GSE1: variants seen among roughly 807,000 people sequenced by gnomAD.
GSE1 encodes Gse1 coiled-coil protein.
A neutral mutation model predicts 112.6 loss-of-function variants in GSE1; 32 were observed. That is an observed-to-expected ratio of 0.28 (90% CI 0.21 to 0.38). The LOEUF is 0.38. GSE1 is among the 10% of genes least tolerant of loss of function. The pLI is 1.00. For missense variants in GSE1, 2,348 were observed against 1,699.2 expected, an observed-to-expected ratio of 1.38 and a Z score of -6.71; for synonymous variants, 1,115 against 735.6, an observed-to-expected ratio of 1.52 and a Z score of -8.35.
intron 3 of GSE1, among the ~76,000 whole-genome samples, chr16:85,653,070 C>T (rs1212826368): frequency 1.3e-5 from 2 of 150,716 alleles, no homozygotes; most frequent in East Asian, 2.0e-4. Context: ...GCTGTCCCCA[C>T]ATGGGGAAGA....
Position 85,372,156 on chromosome 16 carries a change from C to T in GSE1, c.2464+14513C>T, listed in dbSNP as rs775073423. The stretch of plus-strand genomic sequence containing the variant: ...GCGCGGGACTGTGGCCCGGACCCTC[C>T]ACTCCCTGGCTTGGGCTGTGGAAGA... On this transcript the variant is annotated intron_variant, in intron 2 of 2. Coordinates refer to the GSE1 transcript ENST00000637419. Among the ~76,000 whole-genome samples, 60 of 152,296 alleles carry T rather than the reference C, an allele frequency of 3.9e-4. 1 individual carries two copies. Among genetic ancestry groups the T allele is most frequent in the East Asian group, 2.3e-3 (12 of 5,166 alleles).
chr16:85,556,112 GGAGA>G, exon 1 of GSE1: 1 of 983,788 alleles, frequency 1.0e-6, no homozygotes, highest in Non-Finnish European at 1.2e-6. Flanking sequence ...GGCGCTGGTC[GGAGA>G]GAGAGCCTTT....
intron 1 of GSE1, among the ~76,000 whole-genome samples, chr16:85,265,571 G>A (rs929861830): frequency 6.6e-6 from 1 of 152,030 alleles, no homozygotes; most frequent in Non-Finnish European, 1.5e-5. Context: ...TCCTCATCTC[G>A]GGCATAACCT....
At chr16:85,322,670 C>T (rs2046135479) in intron 1 of GSE1, among the ~76,000 whole-genome samples, 1 of 148,616 alleles carries the variant, frequency 6.7e-6, no homozygotes. Context: ...GTCTCCAGTG[C>T]AATGGCGTGA....
chr16:85,620,724 ATGGTCTCAGCCTTGGGTCTCTGCAC>A (rs1259126893), intron 1 of GSE1, among the ~76,000 whole-genome samples: 1 of 152,250 alleles, frequency 6.6e-6, no homozygotes, highest in African/African-American at 2.4e-5. Flanking sequence ...ACCCGTTTAG[ATGGTCTCAGCCTTGGGTCTCTGCAC>A]TGTTCTCAGC....
intron 1 of GSE1, among the ~76,000 whole-genome samples, chr16:85,188,155 A>G (rs937085339): frequency 1.2e-4 from 19 of 152,154 alleles, no homozygotes; most frequent in Non-Finnish European, 2.5e-4. Flanking sequence ...AGGCTCCCTC[A>G]ACACCCCGTG....
At chr16:85,386,867 C>T (rs761570780) in intron 2 of GSE1, among the ~76,000 whole-genome samples, 3 of 152,146 alleles carry the variant, frequency 2.0e-5, no homozygotes, top group Non-Finnish European at 4.4e-5. Flanking sequence ...GGCCAGGGTG[C>T]CATTCCTGGG....
upstream of GSE1, among the ~76,000 whole-genome samples, chr16:85,609,515 G>A (rs573999950): frequency 3.3e-4 from 51 of 152,314 alleles, no homozygotes; most frequent in African/African-American, 1.1e-3. Flanking sequence ...GTGAAAAACC[G>A]CCCACCCTCT....
chr16:85,340,298 G>C (rs549252939), intron 1 of GSE1, among the ~76,000 whole-genome samples: 3 of 152,062 alleles, frequency 2.0e-5, no homozygotes, highest in African/African-American at 7.2e-5. Flanking sequence ...TGCAGTGAGC[G>C]GTGATTGCAC....
chr16:85,660,951 G>A (rs1258720699), intron 8 of GSE1, among the ~76,000 whole-genome samples, 195 bp from the exon 9 acceptor site: 1 of 152,156 alleles, frequency 6.6e-6, no homozygotes, highest in Non-Finnish European at 1.5e-5. Flanking sequence ...GAAAAGAAAG[G>A]AAAAGAGAAA....
intron 1 of GSE1, among the ~76,000 whole-genome samples, chr16:85,208,405 G>A (rs1247687617): frequency 6.6e-6 from 1 of 152,176 alleles, no homozygotes; most frequent in African/African-American, 2.4e-5. Flanking sequence ...GCCTGCCTGG[G>A]GCTCGAGGGG....
chr16:85,502,129 A>G (rs930501975), intron 2 of GSE1, among the ~76,000 whole-genome samples: 5 of 151,980 alleles, frequency 3.3e-5, no homozygotes, highest in Non-Finnish European at 7.4e-5. Context: ...AGCCTGAGGG[A>G]AGGCAGCTGG....
At position 85,663,075 on chromosome 16, in the gene GSE1, A is replaced by C; in HGVS notation, c.2355A>C (p.Lys785Asn). ...LRCVAEQPPL[K>N]LDTSSEKLEF... ...GCGTGGCCGAGCAGCCGCCCCTCAAACTGGACACGTCCTCTGAGGTACTGG... is the reference window on the plus strand; with the variant it reads ...GCGTGGCCGAGCAGCCGCCCCTCAACCTGGACACGTCCTCTGAGGTACTGG... Residue 785 changes from lysine to asparagine, a missense_variant, in exon 10 of 16, where the codon AAA (lysine) becomes AAC (asparagine). Transcript: ENST00000253458. The C allele has an allele frequency of 6.2e-7, 1 of 1,609,374 alleles. No individual in the cohort carries two copies. The highest frequency in any genetic ancestry group is 8.5e-7 in the Non-Finnish European group (1 of 1,176,686).
At chr16:85,445,619 A>G (rs1486985235) in intron 2 of GSE1, among the ~76,000 whole-genome samples, 2 of 152,214 alleles carry the variant, frequency 1.3e-5, no homozygotes, top group Non-Finnish European at 2.9e-5. Flanking sequence ...ATTGGATTGC[A>G]GTTTGGGAGC....
At position 85,288,037 on chromosome 16, in the gene GSE1, C is replaced by G. The variant is rs536474586; in HGVS notation, c.2284-69426C>G. 8.5e-5 allele frequency among the ~76,000 whole-genome samples: 13 copies of G among 152,214 alleles called. No homozygotes were observed. In the East Asian group the frequency reaches 2.1e-3, roughly 25 times the overall value. On this transcript the variant is annotated intron_variant, in intron 1 of 2. Coordinates refer to the GSE1 transcript ENST00000637419. ...GGCGGATCACCTGAGGTTAGGAGTT[C>G]GAGACCAGCCTGGCCAACATGATGA...
intron 1 of GSE1, among the ~76,000 whole-genome samples, chr16:85,294,839 A>G (rs1172111951): frequency 6.6e-6 from 1 of 151,976 alleles, no homozygotes; most frequent in Non-Finnish European, 1.5e-5. Context: ...TGAGGTTAAT[A>G]ACAGAATTTA....
intron 2 of GSE1, among the ~76,000 whole-genome samples, chr16:85,374,694 G>C (rs967639465): frequency 1.3e-5 from 2 of 152,186 alleles, no homozygotes; most frequent in South Asian, 4.1e-4. Context: ...GAGGGGGTAG[G>C]GGGTGGATGG....
At chr16:85,204,877 C>G (rs1266731686) in intron 1 of GSE1, among the ~76,000 whole-genome samples, 6 of 152,214 alleles carry the variant, frequency 3.9e-5, no homozygotes, top group Admixed American at 6.5e-5. Context: ...GGTCGTCCGC[C>G]TAGGGCCTGG....
intron 9 of GSE1, 83 bp from the exon 10 acceptor site, chr16:85,662,898 C>A: frequency 1.0e-6 from 1 of 970,192 alleles, no homozygotes; most frequent in Non-Finnish European, 1.6e-6. Flanking sequence ...GATAGGTGCT[C>A]TGCACACATG....
Sources: gnomAD v4.1 joint callset for allele counts (sites outside exome capture counted in the v4.1 genomes callset) on GRCh38, gnomAD v4.1.1 for gene constraint, MANE v1.5 for transcripts, NCBI Gene and HGNC (gene_info 2026-07-23, HGNC 2026-07-21) for gene names.